The following DPP6 variants were observed in gnomAD, a reference collection of about 807,000 sequenced individuals.
DPP6 encodes dipeptidyl peptidase like 6.
A neutral mutation model predicts 122.6 loss-of-function variants in DPP6; 69 were observed. The ratio of observed to expected loss-of-function variants is 0.56; its 90% CI spans 0.46 to 0.69. The LOEUF (loss-of-function observed/expected upper bound fraction) is 0.69, where lower values mean the gene tolerates loss of function less well. Among genes scored for constraint, DPP6 ranks in the 30% least tolerant of loss-of-function variants. The pLI is 0.00. For missense variants in DPP6, 928 were observed against 1,116.9 expected, an observed-to-expected ratio of 0.83 and a Z score of 2.41; for synonymous variants, 418 against 433.1, an observed-to-expected ratio of 0.97 and a Z score of 0.43.
chr7:154,777,313 T>C (rs1796640072), intron 10 of DPP6, among the ~76,000 whole-genome samples: 1 of 152,154 alleles, frequency 6.6e-6, no homozygotes, highest in Non-Finnish European at 1.5e-5. Flanking sequence ...GTTTTGCAGA[T>C]GTCAGAAGGA....
chr7:154,292,707 C>G (rs1805286839), intron 1 of DPP6, among the ~76,000 whole-genome samples: 1 of 152,132 alleles, frequency 6.6e-6, no homozygotes, highest in African/African-American at 2.4e-5. Context: ...AAAAGGAATC[C>G]TGTGTCCACA....
chr7:153,964,978 CCCTTCCTTCCTTCCTTCCTTTCTT>C (rs1363882870), intron 1 of DPP6, among the ~76,000 whole-genome samples: 6 of 71,224 alleles, frequency 8.4e-5, no homozygotes, highest in African/African-American at 3.9e-4. Context: ...CATTTCTTTT[CCCTTCCTTCCTTCCTTCCTTTCTT>C]CCTTCCTTCC....
chr7:154,749,810 G>A (rs1378994452), intron 8 of DPP6, among the ~76,000 whole-genome samples: 1 of 116,556 alleles, frequency 8.6e-6, no homozygotes, highest in African/African-American at 3.4e-5. Flanking sequence ...AGAGAGGGAT[G>A]GAGGCTTTAC....
At chr7:153,764,087 A>G in the DPP6 span, among the ~76,000 whole-genome samples, 1 of 152,182 alleles carries the variant, frequency 6.6e-6, no homozygotes, top group African/African-American at 2.4e-5. Context: ...TTTGAAGATA[A>G]CATAGCTTTT....
At chr7:153,855,791 G>T in the DPP6 span, among the ~76,000 whole-genome samples, 3 of 151,992 alleles carry the variant, frequency 2.0e-5, no homozygotes, top group African/African-American at 7.2e-5. Flanking sequence ...AGAGTCTTCA[G>T]TCATTCTTTA....
chr7:154,323,711 C>T (rs1808177599), intron 1 of DPP6, among the ~76,000 whole-genome samples: 1 of 152,174 alleles, frequency 6.6e-6, no homozygotes, highest in Non-Finnish European at 1.5e-5. Context: ...AGTTCCTTTT[C>T]CTCTTCCTCT....
chr7:154,634,569 G>T (rs185686344), intron 5 of DPP6, among the ~76,000 whole-genome samples: 2 of 152,098 alleles, frequency 1.3e-5, no homozygotes, highest in Admixed American at 6.5e-5. Flanking sequence ...GATTTGGTTT[G>T]GTTTGGGGGT....
At chr7:154,512,330 C>T (rs186010378) in intron 3 of DPP6, among the ~76,000 whole-genome samples, 2 of 152,098 alleles carry the variant, frequency 1.3e-5, no homozygotes, top group African/African-American at 2.4e-5. Flanking sequence ...TGTGCTTCTA[C>T]GTGTAATGTT....
intron 5 of DPP6, among the ~76,000 whole-genome samples, chr7:154,630,479 G>T (rs1432492840): frequency 6.6e-6 from 1 of 152,204 alleles, no homozygotes; most frequent in East Asian, 1.9e-4. Flanking sequence ...ATATTTTTCT[G>T]TGGAAAGACC....
intron 1 of DPP6, among the ~76,000 whole-genome samples, chr7:154,341,754 C>T (rs1341050823): frequency 6.6e-6 from 1 of 151,950 alleles, no homozygotes; most frequent in Non-Finnish European, 1.5e-5. Flanking sequence ...AGACTGCACC[C>T]ATTTTTATGT....
intron 1 of DPP6, among the ~76,000 whole-genome samples, chr7:154,234,001 GAGAA>G (rs1217519908): frequency 6.6e-6 from 1 of 152,186 alleles, no homozygotes; most frequent in African/African-American, 2.4e-5. Context: ...TTGGTCTGAA[GAGAA>G]AGAATAGAAA....
At chr7:154,727,728 C>T (rs1191184037) in intron 7 of DPP6, 39 bp from the exon 8 acceptor site, 4 of 1,563,870 alleles carry the variant, frequency 2.6e-6, no homozygotes, top group Non-Finnish European at 3.5e-6. Context: ...ATAACCACTT[C>T]CTTGCTTAAT....
At position 154,739,399 on chromosome 7, in the gene DPP6, C is replaced by T. The variant is rs144751087; in HGVS notation, c.883+11512C>T. On this transcript the variant is annotated intron_variant, in intron 8 of 25. Transcript: ENST00000377770. The stretch of plus-strand genomic sequence containing the variant: ...GAGTTGGGTTGAGAAAGCAGGCAGC[C>T]GTCCAGGGCAGCTGAGGGGACGCCA... Among the ~76,000 whole-genome samples, 42 of 152,252 alleles carry T rather than the reference C, an allele frequency of 2.8e-4. No homozygotes were observed. The East Asian group carries it at 7.5e-3, about 27-fold the overall frequency.
At chr7:154,744,721 T>C (rs1842962201) in intron 8 of DPP6, among the ~76,000 whole-genome samples, 1 of 152,202 alleles carries the variant, frequency 6.6e-6, no homozygotes, top group Non-Finnish European at 1.5e-5. Context: ...TAAATAAGAT[T>C]TTCTGTATTT....
intron 1 of DPP6, among the ~76,000 whole-genome samples, chr7:154,423,494 T>C (rs1432667440): frequency 2.0e-5 from 3 of 152,174 alleles, no homozygotes; most frequent in African/African-American, 7.2e-5. Flanking sequence ...ATCCTAGGAA[T>C]GTGACCTTGT....
intron 20 of DPP6, among the ~76,000 whole-genome samples, chr7:154,880,326 T>G (rs903103578): frequency 6.6e-6 from 1 of 152,208 alleles, no homozygotes; most frequent in Admixed American, 6.5e-5. Flanking sequence ...CTGCCAAGGC[T>G]GGGCCGTAGC....
At chr7:153,871,541 G>A in the DPP6 span, among the ~76,000 whole-genome samples, 1 of 152,194 alleles carries the variant, frequency 6.6e-6, no homozygotes. Flanking sequence ...TTTTCCAGGT[G>A]CCGTCTGTCA....
chr7:154,401,934 A>G (rs966932098), intron 1 of DPP6, among the ~76,000 whole-genome samples: 2 of 152,214 alleles, frequency 1.3e-5, no homozygotes, highest in Non-Finnish European at 2.9e-5. Context: ...AAAATTGGGC[A>G]AAGGACATGA....
rs1800042772 is a variant in DPP6 at position 154,046,918 on chromosome 7, C to T, written c.51+159184C>T. Among the ~76,000 whole-genome samples the T allele has an allele frequency of 2.0e-5, 3 of 152,180 alleles. No homozygotes were observed. In the South Asian group the frequency reaches 6.2e-4, roughly 32 times the overall value. On this transcript the variant is annotated intron_variant, in intron 1 of 25. Transcript: ENST00000404039. ...TAATTTTTAGTGAAGTCAAGTTTTCCACTCTCTGTAACTGTTTCTATTAGC... is the reference window on the plus strand; with the variant it reads ...TAATTTTTAGTGAAGTCAAGTTTTCTACTCTCTGTAACTGTTTCTATTAGC...
Sources: gnomAD v4.1 joint callset for allele counts (sites outside exome capture counted in the v4.1 genomes callset) on GRCh38, gnomAD v4.1.1 for gene constraint, MANE v1.5 for transcripts, NCBI Gene and HGNC (gene_info 2026-07-23, HGNC 2026-07-21) for gene names.